Variants in EYS observed in about 807,000 individuals in gnomAD.
The protein encoded by EYS is protein eyes shut homolog.
In EYS, 250 loss-of-function variants were observed where a neutral mutation model predicts 282.1. That is an observed-to-expected ratio of 0.89 (90% CI 0.80 to 0.98). EYS has a LOEUF of 0.98. Among genes scored for constraint, EYS ranks in the 50% least tolerant of loss-of-function variants. The pLI is 0.00. For missense variants in EYS, 4,016 were observed against 3,709.0 expected (o/e 1.08, Z -2.15); for synonymous variants, 1,355 against 1,282.9 (o/e 1.06, Z -1.20).
intron 12 of EYS, among the ~76,000 whole-genome samples, chr6:65,216,721 T>C (rs1005750596): frequency 6.6e-6 from 1 of 151,780 alleles, no homozygotes; most frequent in Non-Finnish European, 1.5e-5. Flanking sequence ...AAGCATCTGA[T>C]ATATAAACAA....
At chr6:64,696,691 T>C (rs1770593163) in intron 22 of EYS, among the ~76,000 whole-genome samples, 1 of 152,164 alleles carries the variant, frequency 6.6e-6, no homozygotes, top group African/African-American at 2.4e-5. Flanking sequence ...GAAATAATTA[T>C]ATTTTCAAAG....
chr6:64,151,325 A>ATATATATATATATTTT (rs1352388179), intron 31 of EYS, among the ~76,000 whole-genome samples: 3 of 78,666 alleles, frequency 3.8e-5, no homozygotes, highest in African/African-American at 1.4e-4. Flanking sequence ...ATTTATATAT[A>ATATATATATATATTTT]TATATATATA....
intron 22 of EYS, among the ~76,000 whole-genome samples, chr6:64,658,783 T>A (rs1326771875): frequency 1.3e-5 from 2 of 152,146 alleles, no homozygotes; most frequent in African/African-American, 2.4e-5. Context: ...TGCCTCCCAG[T>A]TAGGCTACTT....
At chr6:65,046,760 A>G (rs1041585017) in intron 13 of EYS, among the ~76,000 whole-genome samples, 1 of 151,892 alleles carries the variant, frequency 6.6e-6, no homozygotes, top group Admixed American at 6.6e-5. Flanking sequence ...ACTCTCTGAT[A>G]TGGTTTGGCT....
chr6:64,683,470 T>C (rs1376471772), intron 22 of EYS, among the ~76,000 whole-genome samples: 1 of 152,190 alleles, frequency 6.6e-6, no homozygotes. Context: ...GAAAAATTTA[T>C]TGAATTTGCT....
At chr6:64,451,633 C>G (rs2150477686) in intron 26 of EYS, among the ~76,000 whole-genome samples, 1 of 152,236 alleles carries the variant, frequency 6.6e-6, no homozygotes, top group East Asian at 1.9e-4. Context: ...AAACCGAATC[C>G]AGCAACACAT....
At chr6:64,945,941 T>G in intron 14 of EYS, 27 bp from the exon 15 acceptor site, 3 of 1,521,634 alleles carry the variant, frequency 2.0e-6, no homozygotes, top group South Asian at 1.2e-5. Context: ...TTATATATTT[T>G]TAGGCTATTT....
chr6:64,520,076 G>A (rs1297334783), intron 26 of EYS, among the ~76,000 whole-genome samples: 1 of 151,782 alleles, frequency 6.6e-6, no homozygotes, highest in Non-Finnish European at 1.5e-5. Context: ...GGAGAAACAG[G>A]TTTGTGCTGT....
chr6:65,659,161 GAAGGA>G (rs1399501205), intron 1 of EYS, among the ~76,000 whole-genome samples: 10 of 151,546 alleles, frequency 6.6e-5, no homozygotes, highest in Non-Finnish European at 1.5e-4. Flanking sequence ...TTATTTTTAA[GAAGGA>G]AAGATAAAAG....
intron 29 of EYS, among the ~76,000 whole-genome samples, chr6:64,310,767 G>GA (rs200188544): frequency 2.2e-5 from 2 of 91,462 alleles, no homozygotes; most frequent in Admixed American, 1.2e-4. Context: ...TTTAAAAGGT[G>GA]AAAAAAAAGA....
At chr6:65,426,688 T>G (rs1240518529) in intron 5 of EYS, among the ~76,000 whole-genome samples, 1 of 152,160 alleles carries the variant, frequency 6.6e-6, no homozygotes, top group Non-Finnish European at 1.5e-5. Context: ...ATCGTAGGGT[T>G]GTGAGACTTT....
At position 64,651,787 on chromosome 6, in the gene EYS, T is replaced by C. The variant is rs1489330078; in HGVS notation, c.3444-25542A>G. 2.6e-5 allele frequency among the ~76,000 whole-genome samples: 4 copies of C among 152,362 alleles called. No individual in the cohort carries two copies. The East Asian group carries it at 7.7e-4, about 29-fold the overall frequency. ...GAATGGAAAATTAGAACAAAATGAA[T>C]ATGAACATAAAGAAAGACATATTAG... On this transcript the variant is annotated intron_variant, in intron 22 of 42. Transcript: ENST00000503581.
At chr6:64,215,411 C>G (rs962082416) in intron 31 of EYS, among the ~76,000 whole-genome samples, 12 of 151,930 alleles carry the variant, frequency 7.9e-5, no homozygotes, top group Non-Finnish European at 1.5e-4. Context: ...ATAAAGGGCT[C>G]TTCAGTGAAT....
At chr6:64,893,915 T>G (rs543285643) in intron 18 of EYS, among the ~76,000 whole-genome samples, 1 of 152,166 alleles carries the variant, frequency 6.6e-6, no homozygotes. Flanking sequence ...CACATATATA[T>G]GTATGAAACT....
At chr6:65,473,775 AG>A (rs774331235) in intron 5 of EYS, among the ~76,000 whole-genome samples, 1 of 151,968 alleles carries the variant, frequency 6.6e-6, no homozygotes, top group Non-Finnish European at 1.5e-5. Context: ...GAACTTCAAA[AG>A]AAATATTTTC....
At chr6:64,041,270 A>G (rs1770378054) in intron 33 of EYS, among the ~76,000 whole-genome samples, 1 of 152,114 alleles carries the variant, frequency 6.6e-6, no homozygotes, top group Admixed American at 6.6e-5. Flanking sequence ...GTGTATGAAA[A>G]AAACAATTCC....
At chr6:64,324,137 C>T (rs939717622) in intron 29 of EYS, among the ~76,000 whole-genome samples, 14 of 152,090 alleles carry the variant, frequency 9.2e-5, no homozygotes, top group African/African-American at 3.4e-4. Flanking sequence ...TTCTAGCAAA[C>T]CAGCATCAGC....
At chr6:65,139,820 A>G (rs1023159130) in intron 12 of EYS, among the ~76,000 whole-genome samples, 2 of 152,104 alleles carry the variant, frequency 1.3e-5, no homozygotes, top group Non-Finnish European at 2.9e-5. Context: ...AACTTAAAAC[A>G]GAAGTGACGA....
intron 22 of EYS, among the ~76,000 whole-genome samples, chr6:64,707,172 G>A (rs1356977430): frequency 6.6e-6 from 1 of 151,836 alleles, no homozygotes; most frequent in East Asian, 1.9e-4. Flanking sequence ...CCATGAAAAG[G>A]GAGGAAATAA....
Sources: gnomAD v4.1 joint callset for allele counts (sites outside exome capture counted in the v4.1 genomes callset) on GRCh38, gnomAD v4.1.1 for gene constraint, MANE v1.5 for transcripts, NCBI Gene and HGNC (gene_info 2026-07-23, HGNC 2026-07-21) for gene names.